Variants in LGR4 observed in about 807,000 individuals in gnomAD.
The protein encoded by LGR4 is leucine-rich repeat-containing G protein-coupled receptor 4.
In LGR4, 44 loss-of-function variants were observed where a neutral mutation model predicts 84.8. The ratio of observed to expected loss-of-function variants is 0.52; its 90% CI spans 0.41 to 0.67. The LOEUF (loss-of-function observed/expected upper bound fraction) is 0.67. LGR4 is among the 30% of genes least tolerant of loss of function. The probability of loss-of-function intolerance (pLI) is 0.00; values close to 1 mark genes in which losing one functional copy is unlikely to be tolerated. For missense variants in LGR4, 1,032 were observed against 1,131.4 expected (o/e 0.91, Z 1.26); for synonymous variants, 429 against 434.3 (o/e 0.99, Z 0.15).
intron 1 of LGR4, among the ~76,000 whole-genome samples, chr11:27,458,877 G>A (rs984399183): frequency 6.6e-6 from 1 of 152,118 alleles, no homozygotes; most frequent in African/African-American, 2.4e-5. Flanking sequence ...AGCAGTCAAA[G>A]TAAGGAAGAT....
chr11:27,434,343 T>C lies in LGR4; in HGVS notation c.186-21483A>G, dbSNP rs113202355. 2.1e-3 allele frequency among the ~76,000 whole-genome samples: 316 copies of C among 152,318 alleles called. 2 individuals carry two copies. Among genetic ancestry groups the C allele is most frequent in the Middle Eastern group, 0.017 (5 of 294 alleles). On this transcript the variant is annotated intron_variant, in intron 1 of 17. Coordinates refer to ENST00000379214, the MANE Select transcript of LGR4 (RefSeq NM_018490.5). The stretch of plus-strand genomic sequence containing the variant: ...AGATGCATGAATTAAGTACAATCAA[T>C]AGATGCTTTCAATGGGAAAGGAAGG...
At chr11:27,455,193 C>T (rs983649578) in intron 1 of LGR4, among the ~76,000 whole-genome samples, 5 of 152,096 alleles carry the variant, frequency 3.3e-5, no homozygotes, top group Admixed American at 6.5e-5. Flanking sequence ...TGTGCCACCA[C>T]GCCAGGCTAA....
At chr11:27,467,460 C>G (rs1178076281) in intron 1 of LGR4, among the ~76,000 whole-genome samples, 1 of 150,822 alleles carries the variant, frequency 6.6e-6, no homozygotes, top group African/African-American at 2.4e-5. Context: ...CCCAGCCACT[C>G]GGGAGGCTGA....
At chr11:27,435,997 C>T (rs1864200701) in intron 1 of LGR4, among the ~76,000 whole-genome samples, 3 of 151,860 alleles carry the variant, frequency 2.0e-5, no homozygotes, top group East Asian at 3.9e-4. Flanking sequence ...CTGCAAGCTC[C>T]GCCTCCTGGG....
chr11:27,376,952 C>T (rs1379647455), intron 12 of LGR4, among the ~76,000 whole-genome samples: 3 of 152,138 alleles, frequency 2.0e-5, no homozygotes, highest in African/African-American at 7.2e-5. Flanking sequence ...CCCCGCATAG[C>T]GTTTCATGGG....
intron 1 of LGR4, among the ~76,000 whole-genome samples, chr11:27,459,759 G>A (rs958790010): frequency 1.3e-5 from 2 of 151,688 alleles, no homozygotes; most frequent in African/African-American, 4.8e-5. Flanking sequence ...ACAGGCATGA[G>A]CCACAGCACC....
rs759547181 is a variant in LGR4, at chr11:27,367,819, T to C, written c.*48A>G. On this transcript the variant is annotated 3_prime_UTR_variant, in exon 18 of 18. Transcript: ENST00000379214. Reference sequence around the variant, plus strand: ...AAAGATGAGAATAGGGTTCACTCTATAAACACTGATTTTGGTTGACGGGGG... The same window carrying C: ...AAAGATGAGAATAGGGTTCACTCTACAAACACTGATTTTGGTTGACGGGGG... 2 of 1,397,788 alleles carry C rather than the reference T, an allele frequency of 1.4e-6. No homozygotes were observed. The highest frequency in any genetic ancestry group is 2.0e-6 in the Non-Finnish European group (2 of 1,023,492). 86.6% of individuals were successfully genotyped at this position (1,397,788 alleles called of 1,614,324 possible). A position where few individuals can be genotyped will look rare whatever the true frequency, so the allele number is the denominator to read the frequency against.
At chr11:27,403,981 C>T (rs934474132) in intron 2 of LGR4, among the ~76,000 whole-genome samples, 1 of 152,028 alleles carries the variant, frequency 6.6e-6, no homozygotes, top group Non-Finnish European at 1.5e-5. Context: ...GTCAAAGGTC[C>T]TACTAAAGCA....
intron 1 of LGR4, among the ~76,000 whole-genome samples, chr11:27,469,911 C>A (rs1864841409): frequency 6.6e-6 from 1 of 152,176 alleles, no homozygotes; most frequent in Non-Finnish European, 1.5e-5. Flanking sequence ...CAGCACTGGC[C>A]TTGCTTCATA....
At chr11:27,376,568 A>T (rs1862986734) in intron 12 of LGR4, among the ~76,000 whole-genome samples, 198 bp from the exon 13 acceptor site, 1 of 152,180 alleles carries the variant, frequency 6.6e-6, no homozygotes, top group African/African-American at 2.4e-5. Context: ...TTGAAAGAGA[A>T]TTGCCCTTTT....
chr11:27,420,232 T>C (rs937165288), intron 1 of LGR4, among the ~76,000 whole-genome samples: 1 of 152,176 alleles, frequency 6.6e-6, no homozygotes, highest in Non-Finnish European at 1.5e-5. Flanking sequence ...GATGCATAGC[T>C]CTGTCTTGAG....
chr11:27,455,327 C>T (rs1470063791), intron 1 of LGR4, among the ~76,000 whole-genome samples: 1 of 152,000 alleles, frequency 6.6e-6, no homozygotes, highest in Non-Finnish European at 1.5e-5. Context: ...GGAATTTGAG[C>T]CAGATCAACT....
At chr11:27,435,721 C>A (rs1864195366) in intron 1 of LGR4, among the ~76,000 whole-genome samples, 1 of 151,814 alleles carries the variant, frequency 6.6e-6, no homozygotes, top group African/African-American at 2.4e-5. Flanking sequence ...CTCCTGACCT[C>A]AAGTGATCCT....
chr11:27,396,915 G>A (rs1461479612), intron 2 of LGR4, among the ~76,000 whole-genome samples: 1 of 152,078 alleles, frequency 6.6e-6, no homozygotes, highest in African/African-American at 2.4e-5. Context: ...TCCCCTCCGT[G>A]TTCTGTTTCC....
intron 2 of LGR4, among the ~76,000 whole-genome samples, chr11:27,403,367 T>C (rs1307675239): frequency 6.6e-6 from 1 of 152,134 alleles, no homozygotes; most frequent in Non-Finnish European, 1.5e-5. Flanking sequence ...TGGGAGGATC[T>C]CTTGAGCCCG....
chr11:27,452,623 G>GTTTTT (rs557477166), intron 1 of LGR4, among the ~76,000 whole-genome samples: 5 of 119,336 alleles, frequency 4.2e-5, no homozygotes, highest in African/African-American at 9.9e-5. Context: ...AACTTTTTGA[G>GTTTTT]TTTTTTTTTT....
intron 3 of LGR4, among the ~76,000 whole-genome samples, chr11:27,392,033 T>C (rs1325609951): frequency 6.6e-6 from 1 of 152,220 alleles, no homozygotes. Context: ...TGTAGGCATC[T>C]GAATTCCCTT....
rs1862806115 is a variant in LGR4, at chr11:27,368,257, T to C, written c.2466A>G (p.Lys822=). 6.2e-7 allele frequency: 1 copy of C among 1,614,122 alleles called. No individual in the cohort carries two copies. The highest frequency in any genetic ancestry group is 1.3e-5 in the African/African-American group (1 of 74,934). Residue 822 remains lysine (K), a synonymous_variant, in exon 18 of 18, where the codon AAA becomes AAG. Transcript: ENST00000379214. ...TGATGGAAACTGAAACTGATCCACT[T>C]TTCTTGGTAACACGTCGCTTCAGTA... ...WKLLKRRVTK[K]SGSVSVSISS...
intron 5 of LGR4, among the ~76,000 whole-genome samples, chr11:27,384,641 G>GT (rs1312629914): frequency 6.6e-6 from 1 of 152,114 alleles, no homozygotes; most frequent in African/African-American, 2.4e-5. Flanking sequence ...GAAAGAGAAA[G>GT]TATCTTTAGT....
Sources: gnomAD v4.1 joint callset for allele counts (sites outside exome capture counted in the v4.1 genomes callset) on GRCh38, gnomAD v4.1.1 for gene constraint, MANE v1.5 for transcripts, NCBI Gene and HGNC (gene_info 2026-07-23, HGNC 2026-07-21) for gene names.